Variants in SIAH3 observed in about 807,000 individuals in gnomAD.
SIAH3 encodes the protein siah E3 ubiquitin protein ligase family member 3, also known as seven in absentia homolog 3.
A neutral mutation model predicts 12.6 loss-of-function variants in SIAH3; 9 were observed. The observed-to-expected ratio is 0.72, with a 90% CI of 0.43 to 1.25. The LOEUF is 1.25. SIAH3 is among the 50% of genes most tolerant of loss of function. SIAH3 has a pLI of 0.00. For missense variants in SIAH3, 390 were observed against 365.4 expected (o/e 1.07, Z -0.55); for synonymous variants, 154 against 151.1 (o/e 1.02, Z -0.14).
intron 1 of SIAH3, among the ~76,000 whole-genome samples, chr13:45,836,654 A>C (rs1393740782): frequency 6.6e-6 from 1 of 152,208 alleles, no homozygotes; most frequent in Non-Finnish European, 1.5e-5. Context: ...ATCAGGAAGA[A>C]CAGCTAATGG....
chr13:45,817,330 C>A (rs1405052023), intron 1 of SIAH3, among the ~76,000 whole-genome samples: 1 of 152,316 alleles, frequency 6.6e-6, no homozygotes, highest in East Asian at 1.9e-4. Flanking sequence ...ATAGGCTATG[C>A]CATATAGCCT....
At position 45,781,304 on chromosome 13, in the gene SIAH3, GTC is replaced by G. The variant is rs1317010953; in HGVS notation, c.*2077_*2078del. The G allele has an allele frequency of 6.6e-6, 1 of 152,390 alleles. No homozygotes were observed. Among genetic ancestry groups the G allele is most frequent in the Non-Finnish European group, 1.5e-5 (1 of 68,038 alleles). The allele number at this position is 152,390 out of a possible 1,614,324, so 9.4% of individuals were successfully genotyped here. ...ACACAAATGCTTTCAAAGTGGTTGA[GTC>G]TCAAAAACCAGGAGAGGACCTGTGG... On this transcript the variant is annotated 3_prime_UTR_variant, in exon 2 of 2. Transcript: ENST00000400405.
At chr13:45,791,352 A>G (rs888129414) in intron 1 of SIAH3, among the ~76,000 whole-genome samples, 2 of 152,166 alleles carry the variant, frequency 1.3e-5, no homozygotes, top group Non-Finnish European at 2.9e-5. Flanking sequence ...GGTCTTTGCC[A>G]TTACTTTTAA....
intron 1 of SIAH3, among the ~76,000 whole-genome samples, chr13:45,837,396 T>A (rs536972872): frequency 6.6e-6 from 1 of 151,230 alleles, no homozygotes; most frequent in Non-Finnish European, 1.5e-5. Flanking sequence ...TCAAATAATA[T>A]GAGGAGCTTT....
In SIAH3 at chr13:45,817,127, C is replaced by G. The variant is rs190941437; in HGVS notation, c.136-33070G>C. Among the ~76,000 whole-genome samples the G allele has an allele frequency of 4.6e-5, 7 of 152,318 alleles. No homozygotes were observed. In the East Asian group the frequency reaches 1.2e-3, roughly 25 times the overall value. On this transcript the variant is annotated intron_variant, in intron 1 of 1. Coordinates refer to ENST00000400405, the MANE Select transcript of SIAH3 (RefSeq NM_198849.3). ...GCCTGGATAATTGTAAACATACACG[C>G]AGACACACAGAGTCATGCACTGCAT...
intron 1 of SIAH3, among the ~76,000 whole-genome samples, chr13:45,830,890 C>G (rs1464273484): frequency 6.6e-6 from 1 of 152,048 alleles, no homozygotes; most frequent in Non-Finnish European, 1.5e-5. Flanking sequence ...TAAGAATGGT[C>G]TATGTTGGCA....
chr13:45,844,041 C>T (rs8001329), intron 1 of SIAH3, among the ~76,000 whole-genome samples: 8,200 of 152,194 alleles, frequency 0.054, 771 homozygotes, highest in African/African-American at 0.19. Context: ...TTAGGTTGTG[C>T]GCAGGATATC....
At chr13:45,829,573 C>T (rs578097876) in intron 1 of SIAH3, among the ~76,000 whole-genome samples, 1 of 152,302 alleles carries the variant, frequency 6.6e-6, no homozygotes, top group Admixed American at 6.5e-5. Context: ...CACGCCCCTG[C>T]ACTCCAGCCC....
rs1243349112 is a variant in SIAH3, at chr13:45,782,544, CTT to C, written c.*837_*838del. 1.3e-5 allele frequency: 2 copies of C among 152,178 alleles called. No homozygotes were observed. The highest frequency in any genetic ancestry group is 4.8e-5 in the African/African-American group (2 of 41,418). The allele number at this position is 152,178 out of a possible 1,614,324, so 9.4% of individuals were successfully genotyped here. ...AGATGGGAGATTAATTTTATGTTCT[CTT>C]TTTCCTGTTGCTTTTCATCCCCACC... On this transcript the variant is annotated 3_prime_UTR_variant, in exon 2 of 2. Coordinates refer to ENST00000400405, the MANE Select transcript of SIAH3 (RefSeq NM_198849.3).
chr13:45,851,693 T>G lies in SIAH3; in HGVS notation c.-64A>C, dbSNP rs1593391890. On this transcript the variant is annotated 5_prime_UTR_variant, in exon 1 of 2. Coordinates refer to ENST00000400405, the MANE Select transcript of SIAH3 (RefSeq NM_198849.3). ...GAGGAAGCTGTGAGTCCTTGGGCCC[T>G]GGAAGGAGCGCAGCCTCTGAGACAC... The G allele has an allele frequency of 6.2e-7, 1 of 1,605,228 alleles. No homozygotes were observed. The highest frequency in any genetic ancestry group is 1.3e-5 in the African/African-American group (1 of 74,818).
At chr13:45,813,831 A>C (rs530971151) in intron 1 of SIAH3, among the ~76,000 whole-genome samples, 1 of 152,110 alleles carries the variant, frequency 6.6e-6, no homozygotes, top group Admixed American at 6.5e-5. Context: ...ATACCATCAT[A>C]AGGGTTCTAC....
intron 1 of SIAH3, among the ~76,000 whole-genome samples, chr13:45,850,554 G>A (rs1477056275): frequency 8.6e-5 from 13 of 152,038 alleles, no homozygotes; most frequent in Admixed American, 7.2e-4. Context: ...TTTCCCATCC[G>A]GGGAGTTCAG....
chr13:45,831,179 A>AAAATAAATAAAT (rs200362215), intron 1 of SIAH3, among the ~76,000 whole-genome samples: 4 of 142,578 alleles, frequency 2.8e-5, no homozygotes, highest in Admixed American at 7.1e-5. Flanking sequence ...ACTGTGCCTC[A>AAAATAAATAAAT]AAATAAATAA....
intron 1 of SIAH3, among the ~76,000 whole-genome samples, chr13:45,839,652 G>GA (rs1950732730): frequency 6.6e-6 from 1 of 152,114 alleles, no homozygotes; most frequent in African/African-American, 2.4e-5. Flanking sequence ...CTAACACGGT[G>GA]AAACCCCATC....
chr13:45,808,889 A>G (rs1393808156), intron 1 of SIAH3, among the ~76,000 whole-genome samples: 1 of 152,212 alleles, frequency 6.6e-6, no homozygotes, highest in African/African-American at 2.4e-5. Context: ...GCACATCTCA[A>G]ATTATGAATA....
intron 1 of SIAH3, among the ~76,000 whole-genome samples, chr13:45,837,420 T>C (rs1296849402): frequency 6.6e-6 from 1 of 151,766 alleles, no homozygotes; most frequent in Non-Finnish European, 1.5e-5. Flanking sequence ...GGGACTTCCT[T>C]ATTTAAATTT....
intron 1 of SIAH3, among the ~76,000 whole-genome samples, chr13:45,819,554 A>G (rs373704201): frequency 1.3e-5 from 2 of 152,308 alleles, no homozygotes; most frequent in East Asian, 3.9e-4. Context: ...GAAAATTAGA[A>G]AAAGGAGGTT....
chr13:45,834,653 T>C (rs186037356), intron 1 of SIAH3, among the ~76,000 whole-genome samples: 8 of 152,098 alleles, frequency 5.3e-5, no homozygotes, highest in African/African-American at 1.9e-4. Flanking sequence ...ACACCTCCCT[T>C]CCAAAGCTGG....
At chr13:45,831,707 G>T (rs541437808) in intron 1 of SIAH3, among the ~76,000 whole-genome samples, 2 of 152,174 alleles carry the variant, frequency 1.3e-5, no homozygotes, top group Admixed American at 1.3e-4. Flanking sequence ...TAAAGAGGAG[G>T]GAGGGGACAT....
Sources: gnomAD v4.1 joint callset for allele counts (sites outside exome capture counted in the v4.1 genomes callset) on GRCh38, gnomAD v4.1.1 for gene constraint, MANE v1.5 for transcripts, NCBI Gene and HGNC (gene_info 2026-07-23, HGNC 2026-07-21) for gene names.